Variants in CFB observed in about 807,000 individuals in gnomAD.
CFB encodes the protein B-factor, properdin.
A neutral mutation model predicts 97.2 loss-of-function variants in CFB; 59 were observed. The observed-to-expected ratio is 0.61, with a 90% CI of 0.49 to 0.75. The LOEUF (loss-of-function observed/expected upper bound fraction) is 0.75. Among genes scored for constraint, CFB ranks in the 30% least tolerant of loss-of-function variants. The pLI, the probability that CFB is intolerant of heterozygous loss-of-function variation, is 0.00. For synonymous variants in CFB, 316 were observed against 351.7 expected (o/e 0.90, Z 1.14); for missense variants, 771 against 959.8 (o/e 0.80, Z 2.60).
Position 31,949,338 on chromosome 6 carries a change from T to C in CFB, c.1264T>C (p.Tyr422His). ...GKDRKNPRED[Y>H]LDVYVFGVGP... ...GGATCGCAAAAACCCAAGGGAGGAT[T>C]ATCTGGGTGAGTAACCTGCCTAGGA... The change falls in exon 9 of 18, where the codon TAT (tyrosine) becomes CAT (histidine). Residue 422 changes from tyrosine (Y) to histidine (H), a missense_variant. Physicochemically the swap from Tyr to His is moderately conservative, Grantham distance 83. Coordinates refer to ENST00000425368, the MANE Select transcript of CFB (RefSeq NM_001710.6). 6.2e-7 allele frequency: 1 copy of C among 1,614,192 alleles called. No individual in the cohort carries two copies.
chr6:31,950,248 G>C (rs372652411), intron 11 of CFB, 38 bp from the exon 12 acceptor site: 1 of 1,608,288 alleles, frequency 6.2e-7, no homozygotes, highest in African/African-American at 1.3e-5. Context: ...GGTGGTTTGT[G>C]AAAGTTGAGC....
Position 31,947,146 on chromosome 6 carries a change from A to G in CFB, c.438A>G (p.Gln146=). Residue 146 remains glutamine (Q), a synonymous_variant, in exon 3 of 18, where the codon CAA becomes CAG. Transcript: ENST00000425368. The surrounding 1 kb of genome is among the most constrained non-coding windows in gnomAD (Gnocchi z 5.3). ...TLRGSANRTC[Q]VNGRWSGQTA... is the part of the protein sequence containing the mutation. The stretch of plus-strand genomic sequence containing the variant: ...GGGGCTCTGCCAATCGCACCTGCCA[A>G]GTGAATGGCCGATGGAGTGGGCAGA... The G allele has an allele frequency of 6.2e-7, 1 of 1,612,982 alleles. No homozygotes were observed. The highest frequency in any genetic ancestry group is 8.5e-7 in the Non-Finnish European group (1 of 1,180,014).
At chr6:31,949,626 C>T (rs1162660311) in intron 10 of CFB, 69 bp downstream of exon 10, 9 of 1,583,310 alleles carry the variant, frequency 5.7e-6, no homozygotes, top group Non-Finnish European at 6.9e-6. Flanking sequence ...CATTCTTCCT[C>T]TACACCTGAA....
At position 31,950,385 on chromosome 6, in the gene CFB, T is replaced by G; in HGVS notation, c.1606T>G (p.Ser536Ala). 1.2e-6 allele frequency: 2 copies of G among 1,612,842 alleles called. No homozygotes were observed. Among genetic ancestry groups the G allele is most frequent in the African/African-American group, 1.3e-5 (1 of 75,012 alleles). ...HCFTVDDKEH[S>A]IKVSVGGEKR... ...TTTCACTGTGGATGACAAGGAACAC[T>G]CAATCAAGGTCAGCGTAGGTAAGGA... The change falls in exon 12 of 18, where the codon TCA (serine) becomes GCA (alanine). Residue 536 changes from serine (S) to alanine (A), a missense_variant. Transcript: ENST00000425368.
In CFB at chr6:31,949,291, G is replaced by A. The variant is rs1057516209; in HGVS notation, c.1217G>A (p.Arg406Gln). 5.6e-6 allele frequency: 9 copies of A among 1,613,984 alleles called. No individual in the cohort carries two copies. The highest frequency in any genetic ancestry group is 6.8e-6 in the Non-Finnish European group (8 of 1,180,034). Residue 406 changes from arginine to glutamine, a missense_variant, in exon 9 of 18, where the codon CGG becomes CAG. Physicochemically the swap from Arg to Gln is conservative, Grantham distance 43. Coordinates refer to ENST00000425368, the MANE Select transcript of CFB (RefSeq NM_001710.6). ...GDPITVIDEI[R>Q]DLLYIGKDRK... is the part of the protein sequence containing the mutation. The stretch of plus-strand genomic sequence containing the variant: ...CCAATTACTGTCATTGATGAGATCC[G>A]GGACTTGCTATACATTGGCAAGGAT...
rs752540332 is a variant in CFB at position 31,947,922 on chromosome 6, T to C, written c.761-23T>C. On this transcript the variant is annotated intron_variant, in intron 5 of 17. Coordinates refer to ENST00000425368, the MANE Select transcript of CFB (RefSeq NM_001710.6). This position sits in a 1 kb window ranked among gnomAD's most constrained non-coding sequence, Gnocchi z 5.3. The stretch of plus-strand genomic sequence containing the variant: ...GGACAGAACTGTTAATGCTGGAGCC[T>C]GAGCCACTCTCCTGGCACCCAGGGG... 2.5e-6 allele frequency: 4 copies of C among 1,614,170 alleles called. No individual in the cohort carries two copies. The South Asian group carries it at 4.4e-5, about 18-fold the overall frequency.
rs1562633100 is a variant in CFB, at chr6:31,951,080, G to A, written c.1856-64G>A. 6 of 1,591,712 alleles carry A rather than the reference G, an allele frequency of 3.8e-6. No individual in the cohort carries two copies. Among genetic ancestry groups the A allele is most frequent in the Non-Finnish European group, 5.2e-6 (6 of 1,161,608 alleles). On this transcript the variant is annotated intron_variant, in intron 14 of 17. Transcript: ENST00000425368. This position sits in a 1 kb window ranked among gnomAD's most constrained non-coding sequence, Gnocchi z 4.3. Reference sequence around the variant, plus strand: ...AGGGCTTAGGGGACATCTACTGAGTGACAAAGGCAATGGGGAGATGACAGT... The same window carrying A: ...AGGGCTTAGGGGACATCTACTGAGTAACAAAGGCAATGGGGAGATGACAGT...
In CFB at chr6:31,947,677, C is replaced by A; in HGVS notation, c.659-65C>A. 6.3e-7 allele frequency: 1 copy of A among 1,587,540 alleles called. No individual in the cohort carries two copies. Among genetic ancestry groups the A allele is most frequent in the Non-Finnish European group, 8.6e-7 (1 of 1,157,172 alleles). On this transcript the variant is annotated intron_variant, in intron 4 of 17. Coordinates refer to ENST00000425368, the MANE Select transcript of CFB (RefSeq NM_001710.6). This position sits in a 1 kb window ranked among gnomAD's most constrained non-coding sequence, Gnocchi z 5.3. ...TTATACCCTGGAAACCCATGATCCC[C>A]CGTCTCTTTGGTCACTGTATCCCTG...
chr6:31,950,945 G>T lies in CFB; in HGVS notation c.1855+1G>T. The stretch of plus-strand genomic sequence containing the variant: ...CCAACTACCACTTGCCAGCAACAAA[G>T]TAAGACATACTTGGCAAGAGGATAA... On this transcript the variant is annotated splice_donor_variant, in intron 14 of 17. Transcript: ENST00000425368. LOFTEE classifies it high-confidence loss of function. 6.2e-7 allele frequency: 1 copy of T among 1,612,942 alleles called. No homozygotes were observed.
At chr6:31,948,243 G>GT (rs758538870) in intron 6 of CFB, 131 bp from the exon 7 acceptor site, 29 of 1,508,598 alleles carry the variant, frequency 1.9e-5, no homozygotes, top group Admixed American at 3.5e-5. Flanking sequence ...TTCTTGACTG[G>GT]TAATTCCTCC....
At position 31,947,947 on chromosome 6, in the gene CFB, G is replaced by A. The variant is rs1384706654; in HGVS notation, c.763G>A (p.Glu255Lys). 34 of 1,614,094 alleles carry A rather than the reference G, an allele frequency of 2.1e-5. No individual in the cohort carries two copies. The South Asian group carries it at 3.1e-4, about 15-fold the overall frequency. The part of the protein sequence containing the change: ...VDAEDGHGPG[E>K]QQKRKIVLDP... Reference sequence around the variant, plus strand: ...TGAGCCACTCTCCTGGCACCCAGGGGAACAACAGAAGCGGAAGATCGTCCT... The same window carrying A: ...TGAGCCACTCTCCTGGCACCCAGGGAAACAACAGAAGCGGAAGATCGTCCT... The change falls in exon 6 of 18, where the codon GAA (glutamate) becomes AAA (lysine). Residue 255 changes from glutamate to lysine, a missense_variant and splice_region_variant. Transcript: ENST00000425368. The surrounding 1 kb of genome is among the most constrained non-coding windows in gnomAD (Gnocchi z 5.3).
Position 31,949,420 on chromosome 6 carries a change from A to T in CFB, c.1271A>T (p.Asp424Val). Residue 424 changes from aspartate (D) to valine (V), a missense_variant and splice_region_variant, in exon 10 of 18, where the codon GAT becomes GTT. Transcript: ENST00000425368. ...CTCATCCTTCCTTTTTATCCCTCAG[A>T]TGTCTATGTGTTTGGGGTCGGGCCT... ...DRKNPREDYL[D>V]VYVFGVGPLV... is the part of the protein sequence containing the mutation. The T allele has an allele frequency of 6.2e-7, 1 of 1,614,150 alleles. No individual in the cohort carries two copies. Among genetic ancestry groups the T allele is most frequent in the Non-Finnish European group, 8.5e-7 (1 of 1,180,024 alleles).
At position 31,947,503 on chromosome 6, in the gene CFB, A is replaced by G; in HGVS notation, c.640A>G (p.Thr214Ala). The part of the protein sequence containing the change: ...TCQEGGSWSG[T>A]EPSCQDSFMY... Reference sequence around the variant, plus strand: ...TCAGGAAGGTGGCTCTTGGAGCGGGACGGAGCCTTCCTGCCAAGGTGACCT... The same window carrying G: ...TCAGGAAGGTGGCTCTTGGAGCGGGGCGGAGCCTTCCTGCCAAGGTGACCT... The change falls in exon 4 of 18, where the codon ACG (threonine) becomes GCG (alanine). Residue 214 changes from threonine to alanine, a missense_variant. Thr to Ala is a moderately conservative substitution (Grantham distance 58, BLOSUM62 0). Coordinates refer to ENST00000425368, the MANE Select transcript of CFB (RefSeq NM_001710.6). The surrounding 1 kb of genome is among the most constrained non-coding windows in gnomAD (Gnocchi z 5.3). The G allele has an allele frequency of 6.2e-7, 1 of 1,612,880 alleles. No individual in the cohort carries two copies. Among genetic ancestry groups the G allele is most frequent in the Non-Finnish European group, 8.5e-7 (1 of 1,179,998 alleles).
Position 31,951,984 on chromosome 6 carries a change from C to T in CFB, c.2249C>T (p.Pro750Leu), listed in dbSNP as rs1440140053. 6.2e-7 allele frequency: 1 copy of T among 1,613,058 alleles called. No homozygotes were observed. The highest frequency in any genetic ancestry group is 8.5e-7 in the Non-Finnish European group (1 of 1,180,036). Residue 750 changes from proline (P) to leucine (L), a missense_variant, in exon 18 of 18, where the codon CCC (proline) becomes CTC (leucine). By Grantham distance (98) the Pro-to-Leu change is moderately conservative. Coordinates refer to ENST00000425368, the MANE Select transcript of CFB (RefSeq NM_001710.6). The surrounding 1 kb of genome is among the most constrained non-coding windows in gnomAD (Gnocchi z 4.3). Reference sequence around the variant, plus strand: ...CACATCAACCTCTTTCAAGTGCTGCCCTGGCTGAAGGAGAAACTCCAAGAT... The same window carrying T: ...CACATCAACCTCTTTCAAGTGCTGCTCTGGCTGAAGGAGAAACTCCAAGAT... ...DFHINLFQVL[P>L]WLKEKLQDED...
Position 31,947,545 on chromosome 6 carries a change from G to A in CFB, c.658+24G>A, listed in dbSNP as rs1278517036. ...AGGTGACCTTTGACCTGTACCCCCAGGTCAGATCCTGGTCTTCCATCCTAC... is the reference window on the plus strand; with the variant it reads ...AGGTGACCTTTGACCTGTACCCCCAAGTCAGATCCTGGTCTTCCATCCTAC... On this transcript the variant is annotated intron_variant, in intron 4 of 17. Transcript: ENST00000425368. The surrounding 1 kb of genome is among the most constrained non-coding windows in gnomAD (Gnocchi z 5.3). 6.2e-7 allele frequency: 1 copy of A among 1,612,614 alleles called. No homozygotes were observed. Among genetic ancestry groups the A allele is most frequent in the Non-Finnish European group, 8.5e-7 (1 of 1,179,970 alleles).
rs1361132282 is a variant in CFB, at chr6:31,947,564, A to G, written c.658+43A>G. 6.2e-7 allele frequency: 1 copy of G among 1,611,226 alleles called. No homozygotes were observed. The highest frequency in any genetic ancestry group is 8.5e-7 in the Non-Finnish European group (1 of 1,178,836). ...CCCCCAGGTCAGATCCTGGTCTTCC[A>G]TCCTACTGTCTTCTCTCCCCACCTC... On this transcript the variant is annotated intron_variant, in intron 4 of 17. Transcript: ENST00000425368. This position sits in a 1 kb window ranked among gnomAD's most constrained non-coding sequence, Gnocchi z 5.3.
rs1182408123 is a variant in CFB at position 31,950,849 on chromosome 6, T to C, written c.1779-19T>C. On this transcript the variant is annotated intron_variant, in intron 13 of 17. Coordinates refer to ENST00000425368, the MANE Select transcript of CFB (RefSeq NM_001710.6). The stretch of plus-strand genomic sequence containing the variant: ...GGTGAGGAGCAGGCCTGGTTTGCTG[T>C]TCTCCTTGTCCTTTATAGGCCCATT... The C allele has an allele frequency of 3.7e-6, 6 of 1,612,922 alleles. No individual in the cohort carries two copies. The African/African-American group carries it at 6.7e-5, about 18-fold the overall frequency.
rs1771587191 is a variant in CFB, at chr6:31,948,819, C to T, written c.1037-11C>T. The T allele has an allele frequency of 1.2e-6, 2 of 1,612,986 alleles. No individual in the cohort carries two copies. The highest frequency in any genetic ancestry group is 2.7e-5 in the African/African-American group (2 of 75,006). On this transcript the variant is annotated splice_polypyrimidine_tract_variant and intron_variant, in intron 7 of 17. Coordinates refer to ENST00000425368, the MANE Select transcript of CFB (RefSeq NM_001710.6). ...GACCAGGTGAGGTGATGGTCTCTTC[C>T]CTCTCCACAGACCACAAGTTGAAGT...
At chr6:31,948,297 C>A (rs926524676) in intron 6 of CFB, 77 bp from the exon 7 acceptor site, 22 of 1,600,218 alleles carry the variant, frequency 1.4e-5, no homozygotes, top group Non-Finnish European at 1.7e-5. Flanking sequence ...CCTCCCTGTC[C>A]CAGCAAAGTC....
Sources: allele counts gnomAD v4.1 joint callset, GRCh38; gene constraint gnomAD v4.1.1; non-coding constraint Gnocchi (gnomAD v3.1); transcripts MANE v1.5; gene names NCBI Gene and HGNC (gene_info 2026-07-23, HGNC 2026-07-21).